Variants in SVIL observed in about 807,000 individuals in gnomAD.
The protein encoded by SVIL is supervillin.
SVIL carries 101 observed loss-of-function variants against 240.4 expected under a neutral mutation model. The observed-to-expected ratio is 0.42, with a 90% CI of 0.36 to 0.50. The LOEUF is 0.50. SVIL is among the 20% of genes least tolerant of loss of function. The pLI is 0.01. For missense variants in SVIL, 2,512 were observed against 2,818.7 expected (o/e 0.89, Z 2.46); for synonymous variants, 999 against 1,100.0 (o/e 0.91, Z 1.82).
At chr10:29,534,127 T>C (rs140016410) in intron 7 of SVIL, among the ~76,000 whole-genome samples, 6 of 152,330 alleles carry the variant, frequency 3.9e-5, no homozygotes, top group African/African-American at 1.4e-4. Flanking sequence ...AGAGAAAAGA[T>C]AGTTGCTGAC....
chr10:29,562,381 G>C (rs141800425), intron 3 of SVIL, among the ~76,000 whole-genome samples: 1 of 152,262 alleles, frequency 6.6e-6, no homozygotes, highest in African/African-American at 2.4e-5. Context: ...ACACGTGTGA[G>C]TGCCTCCTTG....
chr10:29,583,352 C>T (rs1328369455), intron 1 of SVIL, among the ~76,000 whole-genome samples: 2 of 152,170 alleles, frequency 1.3e-5, no homozygotes, highest in Admixed American at 6.5e-5. Context: ...AGCTGCAGTG[C>T]AGTGGCACAA....
intron 7 of SVIL, among the ~76,000 whole-genome samples, chr10:29,534,043 T>C (rs771267228): frequency 6.6e-6 from 1 of 152,216 alleles, no homozygotes; most frequent in Non-Finnish European, 1.5e-5. Flanking sequence ...CAATGCAGAG[T>C]ATATTCATTC....
At chr10:29,512,269 C>T (rs890240707) in intron 17 of SVIL, among the ~76,000 whole-genome samples, 6 of 152,188 alleles carry the variant, frequency 3.9e-5, no homozygotes, top group South Asian at 2.1e-4. Context: ...TCATGAAACA[C>T]GCTTAAATGA....
intron 3 of SVIL, among the ~76,000 whole-genome samples, chr10:29,654,196 A>G (rs114281528): frequency 0.018 from 2,696 of 152,194 alleles, 86 homozygotes; most frequent in African/African-American, 0.058. Flanking sequence ...CCAGTTATTT[A>G]GGTCTTCTTT....
intron 1 of SVIL, among the ~76,000 whole-genome samples, chr10:29,701,188 C>T (rs75505096): frequency 0.015 from 2,301 of 152,280 alleles, 43 homozygotes; most frequent in East Asian, 0.095. Context: ...CACAGACCCA[C>T]TCCTCTGTCC....
At chr10:29,586,480 A>G (rs1447638135) in intron 1 of SVIL, among the ~76,000 whole-genome samples, 1 of 152,038 alleles carries the variant, frequency 6.6e-6, no homozygotes, top group African/African-American at 2.4e-5. Flanking sequence ...GACTTATTCC[A>G]CTTAGCTCAC....
At chr10:29,533,501 G>A (rs940868458) in intron 7 of SVIL, 43 bp from the exon 8 acceptor site, 16 of 1,570,050 alleles carry the variant, frequency 1.0e-5, no homozygotes, top group South Asian at 7.1e-5. Context: ...GTGCAGTAAC[G>A]GCCTCACAGG....
At chr10:29,492,148 C>T (rs1209915016) in intron 21 of SVIL, among the ~76,000 whole-genome samples, 6 of 152,082 alleles carry the variant, frequency 3.9e-5, no homozygotes, top group African/African-American at 1.2e-4. Context: ...CCTCACTGCA[C>T]CCCCATCGTG....
rs144073750 is a variant in SVIL, at chr10:29,710,590, G to C, written c.-399-23939C>G. On this transcript the variant is annotated intron_variant, in intron 1 of 35. Coordinates refer to the SVIL transcript ENST00000375400. ...ATTAATAATTATTGCAGAATATTGA[G>C]GAATAAAGAGAAAGAAACTCTAGTA... Among the ~76,000 whole-genome samples the C allele has an allele frequency of 3.7e-3, 564 of 151,992 alleles. 3 individuals carry two copies. Among genetic ancestry groups the C allele is most frequent in the African/African-American group, 0.013 (538 of 41,422 alleles).
At chr10:29,485,245 T>C (rs963743182) in intron 26 of SVIL, among the ~76,000 whole-genome samples, 4 of 151,604 alleles carry the variant, frequency 2.6e-5, no homozygotes, top group African/African-American at 9.7e-5. Flanking sequence ...CATGGTCCAG[T>C]GGTGTCTTCT....
intron 1 of SVIL, chr10:29,712,056 A>T (rs895339008): frequency 1.3e-5 from 2 of 152,148 alleles, no homozygotes; most frequent in African/African-American, 2.4e-5. Flanking sequence ...TTAAAGAAAA[A>T]GATATTAAGA....
intron 3 of SVIL, among the ~76,000 whole-genome samples, chr10:29,647,540 T>A (rs1958697673): frequency 6.6e-6 from 1 of 152,158 alleles, no homozygotes; most frequent in Non-Finnish European, 1.5e-5. Flanking sequence ...CTTGTTCCAG[T>A]TTATATTCAA....
chr10:29,550,560 C>T, intron 6 of SVIL, 37 bp downstream of exon 6: 1 of 1,536,202 alleles, frequency 6.5e-7, no homozygotes, highest in Non-Finnish European at 8.8e-7. Flanking sequence ...AGGTATTGTC[C>T]TGCGTTCAGG....
chr10:29,733,525 A>C (rs773799281), intron 1 of SVIL, among the ~76,000 whole-genome samples: 4 of 152,138 alleles, frequency 2.6e-5, no homozygotes, highest in Non-Finnish European at 5.9e-5. Flanking sequence ...GGCTGGTCTC[A>C]AACTCCTGGC....
In SVIL at chr10:29,619,594, A is replaced by G. The variant is rs528222117; in HGVS notation, c.-201+14826T>C. On this transcript the variant is annotated intron_variant, in intron 1 of 37. Coordinates refer to ENST00000355867, the MANE Select transcript of SVIL (RefSeq NM_021738.3). ...ACTTCCAGGAGTCGGCCATGAATTC[A>G]GATGATGAGCTTCGTGGCAATATCT... 9.0e-4 allele frequency among the ~76,000 whole-genome samples: 137 copies of G among 151,944 alleles called. 1 individual carries two copies. Among genetic ancestry groups the G allele is most frequent in the Admixed American group, 9.0e-3 (137 of 15,230 alleles).
At chr10:29,475,247 T>C (rs1011707072) in intron 29 of SVIL, 9 of 152,190 alleles carry the variant, frequency 5.9e-5, no homozygotes, top group African/African-American at 2.2e-4. Flanking sequence ...CCCAGCCTAG[T>C]CTCTAACTCC....
intron 1 of SVIL, among the ~76,000 whole-genome samples, chr10:29,688,321 C>A (rs1469878184): frequency 6.6e-6 from 1 of 152,190 alleles, no homozygotes; most frequent in Non-Finnish European, 1.5e-5. Context: ...ACCAGTGCAA[C>A]GTCAGAAGCC....
chr10:29,490,581 T>A (rs1274012298), intron 22 of SVIL, among the ~76,000 whole-genome samples: 1 of 99,676 alleles, frequency 1.0e-5, no homozygotes, highest in Non-Finnish European at 1.8e-5. Context: ...AAACCCCCAG[T>A]CTTTAAAAAA....
Sources: allele counts gnomAD v4.1 joint callset (sites outside exome capture counted in the v4.1 genomes callset), GRCh38; gene constraint gnomAD v4.1.1; transcripts MANE v1.5; gene names NCBI Gene and HGNC (gene_info 2026-07-23, HGNC 2026-07-21).